TIAM1: variants seen among roughly 807,000 people sequenced by gnomAD.
TIAM1 encodes the protein TIAM Rac1 associated GEF 1.
Under a neutral mutation model 163.5 loss-of-function variants are expected in TIAM1, and 65 were observed. The ratio of observed to expected loss-of-function variants is 0.40; its 90% CI spans 0.33 to 0.49. TIAM1 has a LOEUF of 0.49. TIAM1 is among the 20% of genes least tolerant of loss of function. TIAM1 has a pLI of 0.77. For synonymous variants in TIAM1, 833 were observed against 810.1 expected (o/e 1.03, Z -0.48); for missense variants, 1,789 against 2,044.7 (o/e 0.87, Z 2.41).
intron 2 of TIAM1, among the ~76,000 whole-genome samples, chr21:31,373,831 T>C (rs2076640157): frequency 6.6e-6 from 1 of 152,138 alleles, no homozygotes; most frequent in African/African-American, 2.4e-5. Flanking sequence ...ATACTTCCTT[T>C]TCCCCCATCG....
chr21:31,301,246 G>A (rs1013898710), intron 2 of TIAM1, among the ~76,000 whole-genome samples: 24 of 152,214 alleles, frequency 1.6e-4, no homozygotes, highest in African/African-American at 5.8e-4. Context: ...CAGGAAGCCA[G>A]TGGCCTGTTT....
chr21:31,212,824 G>A (rs1380865859), intron 10 of TIAM1: 1 of 151,420 alleles, frequency 6.6e-6, no homozygotes, highest in African/African-American at 2.4e-5. Flanking sequence ...TAGCCAGCAT[G>A]GTCTCCATCT....
intron 3 of TIAM1, among the ~76,000 whole-genome samples, chr21:31,268,124 A>G (rs1328529980): frequency 6.6e-6 from 1 of 152,230 alleles, no homozygotes; most frequent in African/African-American, 2.4e-5. Context: ...AGAAAAACAG[A>G]GTAACTGGGC....
chr21:31,365,383 C>CTTTTTTT (rs201546931), intron 2 of TIAM1, among the ~76,000 whole-genome samples: 79 of 138,390 alleles, frequency 5.7e-4, no homozygotes, highest in African/African-American at 1.1e-3. Context: ...TCACTTATTT[C>CTTTTTTT]TTTCTTTTTT....
rs187765923 is a variant in TIAM1 at position 31,296,877 on chromosome 21, A to G, written c.-188-19969T>C. 7.9e-5 allele frequency among the ~76,000 whole-genome samples: 12 copies of G among 152,212 alleles called. No individual in the cohort carries two copies. The East Asian group carries it at 1.9e-3, about 25-fold the overall frequency. On this transcript the variant is annotated intron_variant, in intron 2 of 27. Coordinates refer to ENST00000541036, the MANE Select transcript of TIAM1 (RefSeq NM_001353694.2). The stretch of plus-strand genomic sequence containing the variant: ...ATGGGGTTTCATCGTGTTAGCCAGG[A>G]TGGTCTTGATTTCCTGACCTCATAA...
At chr21:31,233,662 G>A (rs759335703) in intron 6 of TIAM1, among the ~76,000 whole-genome samples, 4 of 152,192 alleles carry the variant, frequency 2.6e-5, no homozygotes, top group African/African-American at 9.7e-5. Flanking sequence ...CCAAGATGGC[G>A]CCACTGCACT....
chr21:31,127,439 G>A (rs940676908), intron 25 of TIAM1, among the ~76,000 whole-genome samples: 3 of 145,966 alleles, frequency 2.1e-5, no homozygotes, highest in Non-Finnish European at 4.5e-5. Flanking sequence ...TCTTTTTTGA[G>A]ATGGAGTCTC....
At chr21:31,237,511 T>C (rs1028508510) in intron 6 of TIAM1, among the ~76,000 whole-genome samples, 1 of 152,232 alleles carries the variant, frequency 6.6e-6, no homozygotes, top group Admixed American at 6.5e-5. Flanking sequence ...AAATGGTAAC[T>C]GTTAAGCATT....
rs866124407 is a variant in TIAM1, at chr21:31,309,486, A to T, written c.-189+29757T>A. Among the ~76,000 whole-genome samples, 3 of 152,350 alleles carry T rather than the reference A, an allele frequency of 2.0e-5. No individual in the cohort carries two copies. The South Asian group carries it at 6.2e-4, about 32-fold the overall frequency. On this transcript the variant is annotated intron_variant, in intron 2 of 27. Transcript: ENST00000541036. ...ACTAAATAAATAAATGAATAAAAAAATAAAACGAAACTCTTGCAAAATTAT... is the reference window on the plus strand; with the variant it reads ...ACTAAATAAATAAATGAATAAAAAATTAAAACGAAACTCTTGCAAAATTAT...
chr21:31,371,320 G>A (rs1300045777), intron 2 of TIAM1, among the ~76,000 whole-genome samples: 1 of 152,194 alleles, frequency 6.6e-6, no homozygotes, highest in East Asian at 1.9e-4. Context: ...CTCCCAGAAT[G>A]CAAAGGCAGG....
chr21:31,548,487 GTTGT>G (rs1344484257), intron 1 of TIAM1, among the ~76,000 whole-genome samples: 2 of 138,750 alleles, frequency 1.4e-5, no homozygotes, highest in Non-Finnish European at 3.2e-5. Context: ...ACCTTTTGTT[GTTGT>G]TTTTTTTTTT....
intron 1 of TIAM1, among the ~76,000 whole-genome samples, chr21:31,527,472 G>A (rs1170017137): frequency 2.6e-5 from 4 of 152,122 alleles, no homozygotes; most frequent in East Asian, 3.9e-4. Context: ...TAGCAAACAC[G>A]TTGAGTATCT....
At chr21:31,328,473 T>A (rs1029712395) in intron 2 of TIAM1, among the ~76,000 whole-genome samples, 2 of 152,090 alleles carry the variant, frequency 1.3e-5, no homozygotes, top group African/African-American at 4.8e-5. Context: ...TAGGCTCACA[T>A]GATCCTCCCA....
chr21:31,468,265 G>A (rs368143190), intron 1 of TIAM1, among the ~76,000 whole-genome samples: 3 of 151,638 alleles, frequency 2.0e-5, no homozygotes, highest in African/African-American at 4.8e-5. Flanking sequence ...CACTGGAGGT[G>A]AGGAGTTCAA....
chr21:31,197,499 C>T (rs924854051), intron 12 of TIAM1, among the ~76,000 whole-genome samples: 1 of 149,900 alleles, frequency 6.7e-6, no homozygotes, highest in Admixed American at 6.7e-5. Flanking sequence ...CCTCAGCCTA[C>T]CGAGTAGCTG....
In TIAM1 at chr21:31,251,808, T is replaced by TGTGCACCAG. The variant is rs2071822205; in HGVS notation, c.1336_1344dup (p.Leu446_His448dup). 6.2e-7 allele frequency: 1 copy of TGTGCACCAG among 1,612,684 alleles called. No individual in the cohort carries two copies. The highest frequency in any genetic ancestry group is 8.5e-7 in the Non-Finnish European group (1 of 1,179,076). On this transcript the variant is annotated inframe_insertion, in exon 5 of 28. Coordinates refer to ENST00000541036, the MANE Select transcript of TIAM1 (RefSeq NM_001353694.2). ...GCTGACTCCACCTTCTTGTTCTTCT[T>TGTGCACCAG]GTGCACCAGGAAGTTCTTGACGGCC...
At chr21:31,492,845 C>T (rs1167468569) in intron 1 of TIAM1, among the ~76,000 whole-genome samples, 2 of 150,676 alleles carry the variant, frequency 1.3e-5, no homozygotes, top group Non-Finnish European at 3.0e-5. Flanking sequence ...AAAAATCCAT[C>T]TATCATATAT....
rs35664774 is a variant in TIAM1 at position 31,301,859 on chromosome 21, G to GATAAATAA, written c.-188-24959_-188-24952dup. Among the ~76,000 whole-genome samples, 1,166 of 146,328 alleles carry GATAAATAA rather than the reference G, an allele frequency of 8.0e-3. 17 individuals carry two copies. The highest frequency in any genetic ancestry group is 0.028 in the African/African-American group (1,122 of 40,058). ...CCATCTCAAAATAAATAGATAAATA[G>GATAAATAA]ATAAATAAATAAATAAAATATATAT... On this transcript the variant is annotated intron_variant, in intron 2 of 27. Transcript: ENST00000541036.
chr21:31,485,102 G>A (rs926167379), intron 1 of TIAM1, among the ~76,000 whole-genome samples: 86 of 71,386 alleles, frequency 1.2e-3, no homozygotes, highest in African/African-American at 6.8e-3. Flanking sequence ...CCCAATCTCT[G>A]AATAATTTCA....
Sources: allele counts gnomAD v4.1 joint callset (sites outside exome capture counted in the v4.1 genomes callset), GRCh38; gene constraint gnomAD v4.1.1; transcripts MANE v1.5; gene names NCBI Gene and HGNC (gene_info 2026-07-23, HGNC 2026-07-21).